TERT: variants seen among roughly 807,000 people sequenced by gnomAD.
The protein encoded by TERT is telomerase reverse transcriptase, also known as telomerase catalytic subunit.
A neutral mutation model predicts 104.0 loss-of-function variants in TERT; 42 were observed. The ratio of observed to expected loss-of-function variants is 0.40; its 90% CI spans 0.32 to 0.52. The LOEUF is 0.52. Among genes scored for constraint, TERT ranks in the 20% least tolerant of loss-of-function variants. TERT has a pLI of 0.43. For missense variants in TERT, 1,101 were observed against 1,610.3 expected (o/e 0.68, Z 5.41); for synonymous variants, 781 against 725.6 (o/e 1.08, Z -1.23).
At chr5:1,282,282 TGG>T in intron 3 of TERT, 145 bp downstream of exon 3, 1 of 783,614 alleles carries the variant, frequency 1.3e-6, no homozygotes, top group Non-Finnish European at 2.2e-6. Flanking sequence ...AGAATCCACT[TGG>T]ACCAGGCCTG....
At chr5:1,280,783 C>T (rs1359127897) in intron 3 of TERT, among the ~76,000 whole-genome samples, 3 of 152,120 alleles carry the variant, frequency 2.0e-5, no homozygotes, top group African/African-American at 7.2e-5. Flanking sequence ...GCGGGAGAGG[C>T]TGCTCAGGGC....
chr5:1,293,461 T>G lies in TERT; in HGVS notation c.1425A>C (p.Pro475=), dbSNP rs1579596372. The G allele has an allele frequency of 1.2e-6, 2 of 1,609,480 alleles. No homozygotes were observed. The highest frequency in any genetic ancestry group is 1.7e-6 in the Non-Finnish European group (2 of 1,178,664). Residue 475 remains proline, a synonymous_variant, in exon 2 of 16, where the codon CCA becomes CCC. Coordinates refer to ENST00000310581, the MANE Select transcript of TERT (RefSeq NM_198253.3). ...CGTTGTGCCTGGAGCCCCAGAGGCC[T>G]GGGGGCACCAGCCGGCGCAGGCAGG... ...VRACLRRLVP[P]GLWGSRHNER... is the part of the protein sequence containing the mutation.
chr5:1,294,880 C>A lies in TERT; in HGVS notation c.110G>T (p.Arg37Leu). The change falls in exon 1 of 16, where the codon CGG becomes CTG. Residue 37 changes from arginine to leucine, a missense_variant. Arg to Leu is a moderately radical substitution (Grantham distance 102). Coordinates refer to ENST00000310581, the MANE Select transcript of TERT (RefSeq NM_198253.3). ...FVRRLGPQGW[R>L]LVQRGDPAAF... The stretch of plus-strand genomic sequence containing the variant: ...CGCCGGGTCCCCGCGCTGCACCAGC[C>A]GCCAGCCCTGGGGCCCCAGGCGCCG... 3 of 1,443,280 alleles carry A rather than the reference C, an allele frequency of 2.1e-6. No homozygotes were observed. The highest frequency in any genetic ancestry group is 2.7e-6 in the Non-Finnish European group (3 of 1,104,210). The allele number at this position is 1,443,280 out of a possible 1,614,324, so 89.4% of individuals were successfully genotyped here.
rs867776313 is a variant in TERT at position 1,256,769 on chromosome 5, G to A, written c.3033-1358C>T. Among the ~76,000 whole-genome samples, 5 of 152,178 alleles carry A rather than the reference G, an allele frequency of 3.3e-5. No individual in the cohort carries two copies. Among genetic ancestry groups the A allele is most frequent in the Admixed American group, 3.3e-4 (5 of 15,286 alleles). On this transcript the variant is annotated intron_variant, in intron 13 of 15. Coordinates refer to ENST00000310581, the MANE Select transcript of TERT (RefSeq NM_198253.3). The surrounding 1 kb of genome is among the most constrained non-coding windows in gnomAD (Gnocchi z 7.0). Reference sequence around the variant, plus strand: ...GCCTAAGGTCCCGGGGTTGCCACACGGCCACGCTCCTGACCCAGGAGGGAA... The same window carrying A: ...GCCTAAGGTCCCGGGGTTGCCACACAGCCACGCTCCTGACCCAGGAGGGAA...
intron 11 of TERT, 132 bp from the exon 12 acceptor site, chr5:1,260,732 G>T: frequency 7.7e-7 from 1 of 1,302,920 alleles, no homozygotes; most frequent in Non-Finnish European, 1.1e-6. Flanking sequence ...GCTGCAGCCC[G>T]AGGGGGCTGG....
At position 1,262,938 on chromosome 5, in the gene TERT, G is replaced by T. The variant is rs36119674; in HGVS notation, c.2843+1466C>A. Among the ~76,000 whole-genome samples, 649 of 152,346 alleles carry T rather than the reference G, an allele frequency of 4.3e-3. 4 individuals are homozygous for T. Among genetic ancestry groups the T allele is most frequent in the African/African-American group, 0.015 (620 of 41,584 alleles). ...GGAGCCCAGGAAATGTGGAAATCAT[G>T]CAGACAAAGCCAGTGGAGGCCAGGA... On this transcript the variant is annotated intron_variant, in intron 11 of 15. Coordinates refer to ENST00000310581, the MANE Select transcript of TERT (RefSeq NM_198253.3). The surrounding 1 kb of genome is among the most constrained non-coding windows in gnomAD (Gnocchi z 5.6).
chr5:1,289,658 G>A (rs71575522), intron 2 of TERT, among the ~76,000 whole-genome samples: 5 of 99,508 alleles, frequency 5.0e-5, no homozygotes, highest in African/African-American at 1.4e-4. Flanking sequence ...CACGTGACAG[G>A]GACACCCGGG....
chr5:1,254,663 G>A (rs994489930), intron 14 of TERT, among the ~76,000 whole-genome samples, 158 bp from the exon 15 acceptor site: 4 of 152,172 alleles, frequency 2.6e-5, no homozygotes, highest in East Asian at 1.9e-4. Context: ...TGTTTTCTTC[G>A]GCTTCTCCAG....
At chr5:1,277,043 G>A (rs1008535483) in intron 6 of TERT, among the ~76,000 whole-genome samples, 5 of 152,216 alleles carry the variant, frequency 3.3e-5, no homozygotes, top group South Asian at 2.1e-4. Flanking sequence ...CATACAGAGC[G>A]GGGCAGGACG....
rs567169429 is a variant in TERT at position 1,257,496 on chromosome 5, A to G, written c.3032+1102T>C. On this transcript the variant is annotated intron_variant, in intron 13 of 15. Coordinates refer to ENST00000310581, the MANE Select transcript of TERT (RefSeq NM_198253.3). This position sits in a 1 kb window ranked among gnomAD's most constrained non-coding sequence, Gnocchi z 5.6. ...ACGAGGGCCCAGGCACGCGTCAGGG[A>G]GATGCAAACGAGGGAAGATTTGAGG... 5.3e-5 allele frequency among the ~76,000 whole-genome samples: 8 copies of G among 152,242 alleles called. No individual in the cohort carries two copies. In the East Asian group the frequency reaches 1.4e-3, roughly 26 times the overall value.
chr5:1,292,911 C>T lies in TERT; in HGVS notation c.1573+402G>A, dbSNP rs1309814010. Among the ~76,000 whole-genome samples the T allele has an allele frequency of 1.3e-5, 2 of 152,220 alleles. No homozygotes were observed. The highest frequency in any genetic ancestry group is 2.9e-5 in the Non-Finnish European group (2 of 68,042). The stretch of plus-strand genomic sequence containing the variant: ...CCCACCCCCAGGAAGAGGGGGTTCT[C>T]GTCCCCACCTCTCATTCCCACCCTT... On this transcript the variant is annotated intron_variant, in intron 2 of 15. Transcript: ENST00000310581. The surrounding 1 kb of genome is among the most constrained non-coding windows in gnomAD (Gnocchi z 5.5).
Position 1,263,143 on chromosome 5 carries a change from A to T in TERT, c.2843+1261T>A, listed in dbSNP as rs150355315. Among the ~76,000 whole-genome samples, 9 of 152,266 alleles carry T rather than the reference A, an allele frequency of 5.9e-5. No homozygotes were observed. The East Asian group carries it at 1.2e-3, about 20-fold the overall frequency. ...GCTCCCCCATCACGAGGGTGTCCACACCTGCTGCTCCCCCATGAAGCAAAC... is the reference window on the plus strand; with the variant it reads ...GCTCCCCCATCACGAGGGTGTCCACTCCTGCTGCTCCCCCATGAAGCAAAC... On this transcript the variant is annotated intron_variant, in intron 11 of 15. Transcript: ENST00000310581. The surrounding 1 kb of genome is among the most constrained non-coding windows in gnomAD (Gnocchi z 5.3).
Position 1,286,101 on chromosome 5 carries a change from G to T in TERT, c.1574-3477C>A, listed in dbSNP as rs1165344973. On this transcript the variant is annotated intron_variant, in intron 2 of 15. Coordinates refer to ENST00000310581, the MANE Select transcript of TERT (RefSeq NM_198253.3). The surrounding 1 kb of genome is among the most constrained non-coding windows in gnomAD (Gnocchi z 5.3). ...GGGTTTTCCAGGCTGAACCCAGGCCGAGCGGACGTTGCTGTCACTCACTGG... is the reference window on the plus strand; with the variant it reads ...GGGTTTTCCAGGCTGAACCCAGGCCTAGCGGACGTTGCTGTCACTCACTGG... Among the ~76,000 whole-genome samples the T allele has an allele frequency of 2.0e-5, 3 of 152,148 alleles. No individual in the cohort carries two copies. The highest frequency in any genetic ancestry group is 6.5e-5 in the Admixed American group (1 of 15,282).
Position 1,279,527 on chromosome 5 carries a change from C to T in TERT, c.1951-57G>A, listed in dbSNP as rs980037523. On this transcript the variant is annotated intron_variant, in intron 4 of 15. Transcript: ENST00000310581. ...AAGTGGATCCGGCCAAGTGCCCACCCCACCATAGGGACCCAGGGGAGAAGC... is the reference window on the plus strand; with the variant it reads ...AAGTGGATCCGGCCAAGTGCCCACCTCACCATAGGGACCCAGGGGAGAAGC... 1.8e-5 allele frequency: 27 copies of T among 1,521,700 alleles called. No homozygotes were observed. In the African/African-American group the frequency reaches 3.5e-4, roughly 19 times the overall value. The allele number at this position is 1,521,700 out of a possible 1,614,324, so 94.3% of individuals were successfully genotyped here.
At position 1,263,047 on chromosome 5, in the gene TERT, A is replaced by T. The variant is rs533859777; in HGVS notation, c.2843+1357T>A. Among the ~76,000 whole-genome samples, 77 of 152,276 alleles carry T rather than the reference A, an allele frequency of 5.1e-4. No individual in the cohort carries two copies. The highest frequency in any genetic ancestry group is 1.8e-3 in the African/African-American group (73 of 41,550). On this transcript the variant is annotated intron_variant, in intron 11 of 15. Transcript: ENST00000310581. This position sits in a 1 kb window ranked among gnomAD's most constrained non-coding sequence, Gnocchi z 5.3. ...TTGTGGGGAGGGAGCTGCAACAGGG[A>T]CATGCTGGGCACCATGCACAAGGGT...
At chr5:1,258,951 G>A (rs1231362020) in intron 12 of TERT, among the ~76,000 whole-genome samples, 1 of 151,306 alleles carries the variant, frequency 6.6e-6, no homozygotes, top group Non-Finnish European at 1.5e-5. Flanking sequence ...GGACGCAGAT[G>A]CCCACAGAGA....
rs188244089 is a variant in TERT, at chr5:1,257,949, G to A, written c.3032+649C>T. ...CCCGACTGCCCTTTGGTACAGCCCC[G>A]AGGCTTGTGCCACCACCTGCCCTGA... On this transcript the variant is annotated intron_variant, in intron 13 of 15. Transcript: ENST00000310581. This position sits in a 1 kb window ranked among gnomAD's most constrained non-coding sequence, Gnocchi z 5.6. Among the ~76,000 whole-genome samples the A allele has an allele frequency of 6.6e-4, 100 of 152,324 alleles. No individual in the cohort carries two copies. In the Middle Eastern group the frequency reaches 0.017, roughly 26 times the overall value.
At position 1,253,677 on chromosome 5, in the gene TERT, G is replaced by C; in HGVS notation, c.*51C>G. The C allele has an allele frequency of 6.7e-7, 1 of 1,501,808 alleles. No individual in the cohort carries two copies. The highest frequency in any genetic ancestry group is 9.2e-7 in the Non-Finnish European group (1 of 1,091,230). The allele number at this position is 1,501,808 out of a possible 1,614,324, so 93.0% of individuals were successfully genotyped here. On this transcript the variant is annotated 3_prime_UTR_variant, in exon 16 of 16. Transcript: ENST00000310581. The stretch of plus-strand genomic sequence containing the variant: ...CCCTCCCTGGGACGTAGAGCCCGGC[G>C]TGACAGGGCTGCTGGTGTCTGCTCT...
rs757204201 is a variant in TERT at position 1,255,348 on chromosome 5, G to A, written c.3096C>T (p.Phe1032=). The A allele has an allele frequency of 1.9e-6, 3 of 1,614,196 alleles. No individual in the cohort carries two copies. In the South Asian group the frequency reaches 3.3e-5, roughly 18 times the overall value. ...AGGCCGTGTCAGAGATGACGCGCAG[G>A]AAAAATGTGGGGTTCTTCCAAACTT... The part of the protein sequence containing the change: ...HQQVWKNPTF[F]LRVISDTASL... The change falls in exon 14 of 16, where the codon TTC becomes TTT. Residue 1032 remains phenylalanine, a synonymous_variant. Transcript: ENST00000310581. The surrounding 1 kb of genome is among the most constrained non-coding windows in gnomAD (Gnocchi z 6.9).
Sources: gnomAD v4.1 joint callset for allele counts (sites outside exome capture counted in the v4.1 genomes callset) on GRCh38, gnomAD v4.1.1 for gene constraint, Gnocchi (gnomAD v3.1) non-coding constraint, MANE v1.5 for transcripts, NCBI Gene and HGNC (gene_info 2026-07-23, HGNC 2026-07-21) for gene names.